Variants in TAF4B observed in about 807,000 individuals in gnomAD.
TAF4B encodes transcription initiation factor TFIID subunit 4B.
TAF4B carries 38 observed loss-of-function variants against 86.4 expected under a neutral mutation model. The observed-to-expected ratio is 0.44, with a 90% CI of 0.34 to 0.58. TAF4B has a LOEUF of 0.58. Among genes scored for constraint, TAF4B ranks in the 20% least tolerant of loss-of-function variants. The pLI, the probability that TAF4B is intolerant of heterozygous loss-of-function variation, is 0.02. For missense variants in TAF4B, 988 were observed against 1,027.6 expected, an observed-to-expected ratio of 0.96 and a Z score of 0.53; for synonymous variants, 388 against 391.2, an observed-to-expected ratio of 0.99 and a Z score of 0.10.
In TAF4B at chr18:26,320,836, A is replaced by G. The variant is rs186554063; in HGVS notation, c.2003-234A>G. 4.0e-3 allele frequency among the ~76,000 whole-genome samples: 603 copies of G among 152,290 alleles called. 1 individual carries two copies. The highest frequency in any genetic ancestry group is 5.7e-3 in the Non-Finnish European group (390 of 68,028). On this transcript the variant is annotated intron_variant, in intron 10 of 14. Coordinates refer to ENST00000269142, the MANE Select transcript of TAF4B (RefSeq NM_005640.3). ...TCCTATAAATGACCTTGCAAGGAGA[A>G]TGATTCTAGAGGCTAAGTGAAACAA...
intron 9 of TAF4B, among the ~76,000 whole-genome samples, chr18:26,300,672 C>T (rs2056721650): frequency 6.6e-6 from 1 of 152,036 alleles, no homozygotes; most frequent in Non-Finnish European, 1.5e-5. Flanking sequence ...ATTAATATCT[C>T]ATGAGCACTT....
chr18:26,292,451 G>A (rs2056605109), intron 8 of TAF4B, 70 bp downstream of exon 8: 1 of 1,507,182 alleles, frequency 6.6e-7, no homozygotes. Flanking sequence ...TAACTTTTTT[G>A]TTGCTGTGTT....
At chr18:26,363,251 T>C (rs2057344320) in intron 14 of TAF4B, among the ~76,000 whole-genome samples, 1 of 151,772 alleles carries the variant, frequency 6.6e-6, no homozygotes, top group Non-Finnish European at 1.5e-5. Context: ...TCATGGTGTT[T>C]TAACTTTAAA....
In TAF4B at chr18:26,226,985, A is replaced by G. The variant is rs774312544; in HGVS notation, c.52A>G (p.Ser18Gly). 5.7e-6 allele frequency: 8 copies of G among 1,402,742 alleles called. No individual in the cohort carries two copies. The highest frequency in any genetic ancestry group is 7.3e-6 in the Non-Finnish European group (8 of 1,090,588). 86.9% of individuals were successfully genotyped at this position (1,402,742 alleles called of 1,614,324 possible). A position where few individuals can be genotyped will look rare whatever the true frequency, so the allele number is the denominator to read the frequency against. Residue 18 changes from serine to glycine, a missense_variant, in exon 1 of 15, where the codon AGC becomes GGC. Ser to Gly is a moderately conservative substitution (Grantham distance 56). Around this residue, in one of 3 missense-constraint regions of TAF4B, gnomAD observed 747 missense variants for 737.9 expected, o/e 1.01. Coordinates refer to ENST00000269142, the MANE Select transcript of TAF4B (RefSeq NM_005640.3). ...CGGCGCCGCTCCCCCGGCTGCTGTG[A>G]GCGCCTCGGGGACCGTGACCATGGC... is the stretch of plus-strand genomic sequence containing the variant. ...PAGAAPPAAVSASGTVTMAPA... is the reference protein window; with the variant it reads ...PAGAAPPAAVGASGTVTMAPA...
chr18:26,312,831 G>A (rs554345765), intron 9 of TAF4B, among the ~76,000 whole-genome samples: 2 of 152,186 alleles, frequency 1.3e-5, no homozygotes, highest in South Asian at 4.1e-4. Context: ...CAGGGATGAG[G>A]TTATATCTCT....
At chr18:26,300,307 T>TGTATTATTA (rs1555679572) in intron 9 of TAF4B, among the ~76,000 whole-genome samples, 5 of 145,382 alleles carry the variant, frequency 3.4e-5, no homozygotes, top group Non-Finnish European at 7.5e-5. Flanking sequence ...AATGTAGGCA[T>TGTATTATTA]TTATTATTAT....
chr18:26,267,827 T>C (rs907156235), intron 3 of TAF4B, among the ~76,000 whole-genome samples: 7 of 152,230 alleles, frequency 4.6e-5, no homozygotes, highest in African/African-American at 1.7e-4. Context: ...ATACCAGTTT[T>C]ACTTCAGTGT....
intron 1 of TAF4B, among the ~76,000 whole-genome samples, chr18:26,237,787 C>G (rs1568094544): frequency 1.3e-5 from 2 of 152,126 alleles, no homozygotes; most frequent in African/African-American, 4.8e-5. Flanking sequence ...TTTTCCCCAT[C>G]AGAGAGAGAA....
intron 9 of TAF4B, among the ~76,000 whole-genome samples, chr18:26,313,424 A>C (rs1225705340): frequency 6.6e-6 from 1 of 152,166 alleles, no homozygotes; most frequent in Non-Finnish European, 1.5e-5. Context: ...TGATTTATTT[A>C]TATAGGTGGC....
intron 13 of TAF4B, among the ~76,000 whole-genome samples, chr18:26,340,036 C>T (rs989870921): frequency 2.0e-5 from 3 of 152,168 alleles, no homozygotes; most frequent in Non-Finnish European, 4.4e-5. Context: ...ATATTTGCTT[C>T]ACAGTGCAAC....
intron 1 of TAF4B, among the ~76,000 whole-genome samples, chr18:26,262,932 C>T (rs911229267): frequency 6.6e-6 from 1 of 152,068 alleles, no homozygotes; most frequent in Non-Finnish European, 1.5e-5. Context: ...CTCCTTTTGA[C>T]ACAAAAGACT....
chr18:26,360,895 G>T (rs1371384619), intron 14 of TAF4B, among the ~76,000 whole-genome samples: 1 of 152,150 alleles, frequency 6.6e-6, no homozygotes, highest in Non-Finnish European at 1.5e-5. Context: ...AGCCACATAT[G>T]GCTGTCGAGA....
intron 1 of TAF4B, among the ~76,000 whole-genome samples, chr18:26,255,528 G>A (rs1283040124): frequency 6.9e-6 from 1 of 145,252 alleles, no homozygotes; most frequent in Non-Finnish European, 1.5e-5. Context: ...ACTTGAACCC[G>A]GGAGACGAAG....
chr18:26,359,159 T>A (rs1258110698), intron 14 of TAF4B, among the ~76,000 whole-genome samples: 2 of 152,200 alleles, frequency 1.3e-5, no homozygotes, highest in Non-Finnish European at 2.9e-5. Flanking sequence ...CCTTAATATT[T>A]TCCTCATTTC....
At chr18:26,315,144 C>CTCTG (rs1418114128) in intron 9 of TAF4B, 85 bp from the exon 10 acceptor site, 4 of 244,772 alleles carry the variant, frequency 1.6e-5, no homozygotes, top group Admixed American at 7.6e-5. Context: ...CTCTCTCTCT[C>CTCTG]TGTCTCTCTC....
chr18:26,275,146 A>G, intron 5 of TAF4B, 93 bp downstream of exon 5: 1 of 1,245,298 alleles, frequency 8.0e-7, no homozygotes, highest in Non-Finnish European at 1.1e-6. Context: ...GATTTATTTA[A>G]TTTATTTATT....
In TAF4B at chr18:26,315,157, T is replaced by TCACACACA. The variant is rs1372151453; in HGVS notation, c.1833-71_1833-70insACACACAC. 2,260 of 445,868 alleles carry TCACACACA rather than the reference T, an allele frequency of 5.1e-3. 39 individuals carry two copies. The highest frequency in any genetic ancestry group is 0.022 in the African/African-American group (729 of 33,648). The allele number at this position is 445,868 out of a possible 1,614,324, so 27.6% of individuals were successfully genotyped here. A position where few individuals can be genotyped will look rare whatever the true frequency, so the allele number is the denominator to read the frequency against. On this transcript the variant is annotated intron_variant, in intron 9 of 14. Transcript: ENST00000269142. ...CTCTCTCTCTCTCTGTCTCTCTCTC[T>TCACACACA]CTCTCACACACACACACACACACAC...
intron 7 of TAF4B, among the ~76,000 whole-genome samples, chr18:26,290,486 C>T (rs1015453184): frequency 1.3e-5 from 2 of 152,108 alleles, no homozygotes; most frequent in South Asian, 2.1e-4. Context: ...GTAACAAGGG[C>T]GACACCAGTC....
At chr18:26,284,344 A>G (rs1176627454) in intron 6 of TAF4B, among the ~76,000 whole-genome samples, 1 of 152,206 alleles carries the variant, frequency 6.6e-6, no homozygotes, top group Non-Finnish European at 1.5e-5. Flanking sequence ...CTCCATGTCA[A>G]CAATAAGACT....
Sources: allele counts gnomAD v4.1 joint callset (sites outside exome capture counted in the v4.1 genomes callset), GRCh38; gene constraint gnomAD v4.1.1; regional missense constraint gnomAD v4.1.1; transcripts MANE v1.5; gene names NCBI Gene and HGNC (gene_info 2026-07-23, HGNC 2026-07-21).